MYO10: variants seen among roughly 807,000 people sequenced by gnomAD.
The protein encoded by MYO10 is myosin X, also known as unconventional myosin-X.
In MYO10, 133 loss-of-function variants were observed where a neutral mutation model predicts 257.3. The ratio of observed to expected loss-of-function variants is 0.52; its 90% CI spans 0.45 to 0.60. The LOEUF is 0.60. MYO10 is among the 20% of genes least tolerant of loss of function. The probability of loss-of-function intolerance (pLI) is 0.00; values close to 1 mark genes in which losing one functional copy is unlikely to be tolerated. For synonymous variants in MYO10, 1,104 were observed against 1,028.6 expected (o/e 1.07, Z -1.40); for missense variants, 2,399 against 2,635.7 (o/e 0.91, Z 1.97).
chr5:16,713,646 G>A (rs1374948691), intron 19 of MYO10, among the ~76,000 whole-genome samples: 1 of 152,044 alleles, frequency 6.6e-6, no homozygotes, highest in African/African-American at 2.4e-5. Flanking sequence ...CAGGGGAGGG[G>A]GATCTATAGG....
At chr5:16,768,449 C>T in intron 10 of MYO10, among the ~76,000 whole-genome samples, 1 of 152,044 alleles carries the variant, frequency 6.6e-6, no homozygotes, top group South Asian at 2.1e-4. Flanking sequence ...GACAATGCCA[C>T]CTGACTCTCA....
chr5:16,691,740 T>A (rs961154798), intron 27 of MYO10, among the ~76,000 whole-genome samples: 1 of 150,080 alleles, frequency 6.7e-6, no homozygotes, highest in Non-Finnish European at 1.5e-5. Context: ...ACTGCTGACA[T>A]CACAAGAGGA....
At chr5:16,882,468 A>G (rs1365833346) in intron 1 of MYO10, among the ~76,000 whole-genome samples, 3 of 129,686 alleles carry the variant, frequency 2.3e-5, no homozygotes, top group African/African-American at 7.9e-5. Context: ...TCATAGCAGC[A>G]ATATTCTTAC....
intron 1 of MYO10, among the ~76,000 whole-genome samples, chr5:16,914,528 G>A (rs902361883): frequency 6.6e-6 from 1 of 152,184 alleles, no homozygotes; most frequent in East Asian, 1.9e-4. Context: ...CTGCAGACCT[G>A]TTCTTTCTGC....
intron 3 of MYO10, among the ~76,000 whole-genome samples, chr5:16,796,435 A>AAGAC (rs1306112672): frequency 6.0e-5 from 5 of 83,632 alleles, no homozygotes; most frequent in Non-Finnish European, 1.2e-4. Flanking sequence ...AAGAAAGAAA[A>AAGAC]GAAAGACAGA....
At chr5:16,911,368 A>G (rs950650782) in intron 1 of MYO10, among the ~76,000 whole-genome samples, 9 of 152,170 alleles carry the variant, frequency 5.9e-5, no homozygotes, top group African/African-American at 1.9e-4. Flanking sequence ...TCTAAAACAA[A>G]CTTGTCCAAC....
At chr5:16,716,735 A>G (rs560413205) in intron 19 of MYO10, among the ~76,000 whole-genome samples, 33 of 152,164 alleles carry the variant, frequency 2.2e-4, no homozygotes, top group Middle Eastern at 6.8e-3. Flanking sequence ...CACAGGAGCC[A>G]TGGGTTTTTC....
intron 9 of MYO10, among the ~76,000 whole-genome samples, chr5:16,776,068 G>A (rs974501192): frequency 6.6e-6 from 1 of 150,392 alleles, no homozygotes; most frequent in Non-Finnish European, 1.5e-5. Context: ...GCTAATTTTT[G>A]TATTTTTTTG....
chr5:16,840,411 C>CTGAATGAA (rs58976150), intron 2 of MYO10, among the ~76,000 whole-genome samples: 6,562 of 137,118 alleles, frequency 0.048, 186 homozygotes, highest in Middle Eastern at 0.087. Context: ...CACTCCATCT[C>CTGAATGAA]TGAATGAATG....
At chr5:16,933,454 T>A (rs1010847022) in intron 1 of MYO10, among the ~76,000 whole-genome samples, 7 of 152,200 alleles carry the variant, frequency 4.6e-5, no homozygotes, top group Non-Finnish European at 8.8e-5. Flanking sequence ...CATTCAGTAA[T>A]TTTTCCCCAA....
At chr5:16,836,238 G>C (rs937216944) in intron 2 of MYO10, among the ~76,000 whole-genome samples, 3 of 152,026 alleles carry the variant, frequency 2.0e-5, no homozygotes, top group Non-Finnish European at 2.9e-5. Flanking sequence ...ATTTTAGAAT[G>C]CGATGGAATC....
intron 26 of MYO10, among the ~76,000 whole-genome samples, chr5:16,697,921 C>T (rs575472053): frequency 6.6e-6 from 1 of 152,126 alleles, no homozygotes; most frequent in Non-Finnish European, 1.5e-5. Context: ...TAGGTCCATG[C>T]GAGAAACAGG....
chr5:16,907,242 A>T (rs1244303465), intron 1 of MYO10, among the ~76,000 whole-genome samples: 2 of 152,196 alleles, frequency 1.3e-5, no homozygotes, highest in Non-Finnish European at 2.9e-5. Context: ...GTTAACTTTT[A>T]TTTATTAAAT....
chr5:16,729,308 TACC>T (rs1309208340), intron 19 of MYO10, among the ~76,000 whole-genome samples: 22 of 152,348 alleles, frequency 1.4e-4, no homozygotes, highest in African/African-American at 3.4e-4. Flanking sequence ...TCTTCAAAAC[TACC>T]ACAAGTCTAA....
At chr5:16,833,835 A>G (rs916027219) in intron 2 of MYO10, among the ~76,000 whole-genome samples, 5 of 152,208 alleles carry the variant, frequency 3.3e-5, no homozygotes, top group Non-Finnish European at 7.3e-5. Flanking sequence ...CATGCACATA[A>G]GTATTGTACA....
intron 22 of MYO10, among the ~76,000 whole-genome samples, chr5:16,703,880 C>CAA (rs55980169): frequency 2.5e-4 from 19 of 76,986 alleles, no homozygotes; most frequent in East Asian, 1.6e-3. Flanking sequence ...GACTCTGTCT[C>CAA]AAAAAAAAAA....
At chr5:16,870,254 TCTTTG>T (rs1744414313) in intron 2 of MYO10, among the ~76,000 whole-genome samples, 1 of 151,442 alleles carries the variant, frequency 6.6e-6, no homozygotes. Flanking sequence ...AAGCCCTCCT[TCTTTG>T]CTTTATCTTT....
At chr5:16,677,347 T>C (rs1157959399) in intron 33 of MYO10, among the ~76,000 whole-genome samples, 1 of 151,920 alleles carries the variant, frequency 6.6e-6, no homozygotes, top group Non-Finnish European at 1.5e-5. Context: ...AAAAATTATA[T>C]TTACTCTTTT....
intron 1 of MYO10, among the ~76,000 whole-genome samples, chr5:16,917,416 G>A (rs1745852623): frequency 6.6e-6 from 1 of 152,108 alleles, no homozygotes; most frequent in Non-Finnish European, 1.5e-5. Context: ...AATTGAGGAT[G>A]TTTAGCAGCA....
Sources: allele counts gnomAD v4.1 joint callset (sites outside exome capture counted in the v4.1 genomes callset), GRCh38; gene constraint gnomAD v4.1.1; transcripts MANE v1.5; gene names NCBI Gene and HGNC (gene_info 2026-07-23, HGNC 2026-07-21).